Variants in NSUN6 observed in about 807,000 individuals in gnomAD.
NSUN6 encodes the protein tRNA (cytosine(72)-C(5))-methyltransferase NSUN6.
In NSUN6, 64 loss-of-function variants were observed where a neutral mutation model predicts 58.0. The observed-to-expected ratio is 1.10, with a 90% CI of 0.90 to 1.36. The LOEUF is 1.36. Among genes scored for constraint, NSUN6 ranks in the 40% most tolerant of loss-of-function variants. The probability of loss-of-function intolerance (pLI) is 0.00; values close to 1 mark genes in which losing one functional copy is unlikely to be tolerated. For missense variants in NSUN6, 701 were observed against 550.1 expected (o/e 1.27, Z -2.74); for synonymous variants, 231 against 193.9 (o/e 1.19, Z -1.59).
intron 3 of NSUN6, among the ~76,000 whole-genome samples, chr10:18,618,407 T>A (rs2058486666): frequency 6.6e-6 from 1 of 152,016 alleles, no homozygotes; most frequent in Non-Finnish European, 1.5e-5. Context: ...GCTGGTCAGG[T>A]GCAGTGGCTC....
chr10:18,552,040 A>G, intron 8 of NSUN6, 69 bp from the exon 9 acceptor site: 1 of 847,636 alleles, frequency 1.2e-6, no homozygotes, highest in African/African-American at 1.7e-5. Flanking sequence ...TCCTGAGATG[A>G]GCAGGAATTT....
At chr10:18,653,153 G>T, upstream of NSUN6, 1 of 984,730 alleles carries the variant, frequency 1.0e-6, no homozygotes, top group Non-Finnish European at 1.2e-6. Flanking sequence ...TAAAGGAGGA[G>T]AAACAAGTTG....
At chr10:18,549,914 G>A (rs1160340664) in intron 9 of NSUN6, among the ~76,000 whole-genome samples, 1 of 152,178 alleles carries the variant, frequency 6.6e-6, no homozygotes, top group African/African-American at 2.4e-5. Context: ...AAAGTAAGAT[G>A]ACTATCACCA....
chr10:18,551,649 G>GCC, intron 9 of NSUN6, 174 bp downstream of exon 9: 1 of 464,850 alleles, frequency 2.2e-6, no homozygotes. Flanking sequence ...GCTGAATAAT[G>GCC]TTCCATGTAT....
intron 6 of NSUN6, among the ~76,000 whole-genome samples, chr10:18,602,851 G>A (rs2131270157): frequency 6.6e-6 from 1 of 152,276 alleles, no homozygotes; most frequent in South Asian, 2.1e-4. Flanking sequence ...AGTTACTCTT[G>A]CATAGTATTC....
At chr10:18,587,478 G>C (rs2057203207) in intron 7 of NSUN6, among the ~76,000 whole-genome samples, 2 of 152,132 alleles carry the variant, frequency 1.3e-5, no homozygotes, top group South Asian at 4.2e-4. Context: ...AAAGATAAGA[G>C]GTCAAAATTT....
chr10:18,586,091 T>C lies in NSUN6; in HGVS notation c.780A>G (p.Gly260=). 1 of 1,557,696 alleles carries C rather than the reference T, an allele frequency of 6.4e-7. No individual in the cohort carries two copies. The highest frequency in any genetic ancestry group is 8.6e-7 in the Non-Finnish European group (1 of 1,157,198). ...AGATTTTATCCAGTGCTATAACTTC[T>C]CCCTAAAAAGAAACAAAACACACAC... The part of the protein sequence containing the change: ...THIAALMHDQ[G]EVIALDKIFN... The change falls in exon 8 of 11, where the codon GGA becomes GGG. Residue 260 remains glycine (G), a splice_region_variant and synonymous_variant. Coordinates refer to ENST00000377304, the MANE Select transcript of NSUN6 (RefSeq NM_182543.5).
intron 3 of NSUN6, among the ~76,000 whole-genome samples, chr10:18,633,500 C>T (rs1260342938): frequency 5.3e-5 from 8 of 152,072 alleles, no homozygotes; most frequent in Middle Eastern, 3.4e-3. Flanking sequence ...GCTATAATCC[C>T]GATGATGAGA....
chr10:18,565,211 T>C (rs1190056333), intron 8 of NSUN6, among the ~76,000 whole-genome samples: 2 of 151,302 alleles, frequency 1.3e-5, no homozygotes, highest in East Asian at 3.9e-4. Flanking sequence ...TTCCGTTCCA[T>C]AACATTCTCA....
intron 3 of NSUN6, among the ~76,000 whole-genome samples, chr10:18,632,613 C>T (rs2059072574): frequency 1.3e-5 from 2 of 152,122 alleles, no homozygotes; most frequent in Non-Finnish European, 2.9e-5. Flanking sequence ...ACAGACACTT[C>T]TCAAAAGAAG....
At chr10:18,642,359 T>C (rs1590182240) in intron 3 of NSUN6, 117 bp downstream of exon 3, 2 of 619,992 alleles carry the variant, frequency 3.2e-6, no homozygotes, top group Non-Finnish European at 5.8e-6. Context: ...ATTCCTGTTA[T>C]CTATAGAAAG....
In NSUN6 at chr10:18,642,538, A is replaced by C; in HGVS notation, c.249T>G (p.Ser83Arg). The change falls in exon 3 of 11, where the codon AGT becomes AGG. Residue 83 changes from serine to arginine, a missense_variant. Transcript: ENST00000377304. ...GGTCTGGATGTTGAAGAATAGGAAC[A>C]CTTAATCCATTAAACTGCTGTTAAA... ...DELQKQFNGL[S>R]VPILQHPDLQ... 6.6e-7 allele frequency: 1 copy of C among 1,517,492 alleles called. No individual in the cohort carries two copies. The highest frequency in any genetic ancestry group is 1.4e-5 in the African/African-American group (1 of 73,172). The allele number at this position is 1,517,492 out of a possible 1,614,324, so 94.0% of individuals were successfully genotyped here.
In NSUN6 at chr10:18,642,912, A is replaced by T. The variant is rs561080177; in HGVS notation, c.232-357T>A. 3.7e-3 allele frequency among the ~76,000 whole-genome samples: 562 copies of T among 152,262 alleles called. 4 individuals carry two copies. The highest frequency in any genetic ancestry group is 0.012 in the African/African-American group (510 of 41,548). ...TCTGAATAAGATGTTAAAGACTGAG[A>T]TTACTATTGATAAATACTACCTAAT... On this transcript the variant is annotated intron_variant, in intron 2 of 10. Transcript: ENST00000377304.
In NSUN6 at chr10:18,584,167, G is replaced by A. The variant is rs572202135; in HGVS notation, c.922+1782C>T. The stretch of plus-strand genomic sequence containing the variant: ...GAGTAGGGGGCACTTTCATCCACCA[G>A]GAGGACATATCGAAATCATGCCTGC... On this transcript the variant is annotated intron_variant, in intron 8 of 10. Transcript: ENST00000377304. 3.9e-5 allele frequency among the ~76,000 whole-genome samples: 6 copies of A among 152,284 alleles called. No individual in the cohort carries two copies. In the South Asian group the frequency reaches 1.0e-3, roughly 26 times the overall value.
intron 8 of NSUN6, among the ~76,000 whole-genome samples, chr10:18,556,854 G>C (rs1039712906): frequency 6.6e-6 from 1 of 151,082 alleles, no homozygotes; most frequent in East Asian, 1.9e-4. Context: ...GAATGGAATG[G>C]AGGAAGGAAG....
At chr10:18,548,326 A>C (rs2054411104) in intron 9 of NSUN6, 89 bp from the exon 10 acceptor site, 1 of 1,128,628 alleles carries the variant, frequency 8.9e-7, no homozygotes, top group African/African-American at 1.6e-5. Context: ...ATGTCTTTCA[A>C]ATGTTTGGGA....
chr10:18,644,029 A>T (rs1447879313), intron 2 of NSUN6, among the ~76,000 whole-genome samples: 2 of 152,182 alleles, frequency 1.3e-5, no homozygotes, highest in Admixed American at 6.5e-5. Context: ...TTATTGAGAT[A>T]ATTTACATAC....
In NSUN6 at chr10:18,614,477, A is replaced by G; in HGVS notation, c.558T>C (p.Ser186=). ...TGACATACTTCAGTTCAGGTAATCCACTGAAGATTTCTTTGCGGCTTAGTT... is the reference window on the plus strand; with the variant it reads ...TGACATACTTCAGTTCAGGTAATCCGCTGAAGATTTCTTTGCGGCTTAGTT... ...ISELSRKEIF[S]GLPELKGMGI... The change falls in exon 5 of 11, where the codon AGT becomes AGC. Residue 186 remains serine (S), a synonymous_variant. Coordinates refer to ENST00000377304, the MANE Select transcript of NSUN6 (RefSeq NM_182543.5). 1.3e-6 allele frequency: 2 copies of G among 1,549,862 alleles called. No individual in the cohort carries two copies. The highest frequency in any genetic ancestry group is 1.7e-6 in the Non-Finnish European group (2 of 1,152,668).
upstream of NSUN6, chr10:18,652,909 T>C: frequency 1.0e-6 from 1 of 985,012 alleles, no homozygotes; most frequent in Non-Finnish European, 1.2e-6. Context: ...TTGAAACAAC[T>C]CTCCATGTTC....
Sources: allele counts gnomAD v4.1 joint callset (sites outside exome capture counted in the v4.1 genomes callset), GRCh38; gene constraint gnomAD v4.1.1; transcripts MANE v1.5; gene names NCBI Gene and HGNC (gene_info 2026-07-23, HGNC 2026-07-21).